The following PLCE1 variants were observed in gnomAD, a reference collection of about 807,000 sequenced individuals.
PLCE1 encodes phospholipase C epsilon 1, also known as 1-phosphatidylinositol 4,5-bisphosphate phosphodiesterase epsilon-1.
A neutral mutation model predicts 242.8 loss-of-function variants in PLCE1; 119 were observed. The observed-to-expected ratio is 0.49, with a 90% CI of 0.42 to 0.57. The LOEUF is 0.57. PLCE1 is among the 20% of genes least tolerant of loss of function. The pLI is 0.00. For synonymous variants in PLCE1, 945 were observed against 1,017.4 expected (o/e 0.93, Z 1.35); for missense variants, 2,441 against 2,788.8 (o/e 0.88, Z 2.81).
intron 13 of PLCE1, 36 bp from the exon 14 acceptor site, chr10:94,262,458 C>A: frequency 1.5e-6 from 2 of 1,375,300 alleles, no homozygotes; most frequent in Non-Finnish European, 2.1e-6. Context: ...AAGATGCTGG[C>A]TATCTTGTCC....
Position 94,111,734 on chromosome 10 carries a change from C to G in PLCE1, c.1207-20440C>G, listed in dbSNP as rs368725251. On this transcript the variant is annotated intron_variant, in intron 2 of 32. Transcript: ENST00000371380. ...CTCTAGAAGTGGATCAAAGAATGTA[C>G]ACTTTTTGAATTTCGATGGGTAGTA... Among the ~76,000 whole-genome samples, 26 of 152,290 alleles carry G rather than the reference C, an allele frequency of 1.7e-4. No individual in the cohort carries two copies. In the East Asian group the frequency reaches 2.9e-3, roughly 17 times the overall value.
chr10:94,189,373 A>C (rs2048589541), intron 4 of PLCE1, among the ~76,000 whole-genome samples: 1 of 151,464 alleles, frequency 6.6e-6, no homozygotes, highest in Non-Finnish European at 1.5e-5. Flanking sequence ...GAAATATTTA[A>C]ATTACCTGGC....
intron 22 of PLCE1, among the ~76,000 whole-genome samples, chr10:94,291,779 G>C (rs2052654300): frequency 6.6e-6 from 1 of 152,164 alleles, no homozygotes; most frequent in Non-Finnish European, 1.5e-5. Context: ...TGTAATCCCA[G>C]CTTTCTGGAA....
chr10:94,101,050 TGCAGATCCACAG>T (rs2045515015), intron 2 of PLCE1, among the ~76,000 whole-genome samples: 1 of 152,286 alleles, frequency 6.6e-6, no homozygotes, highest in South Asian at 2.1e-4. Context: ...GAGCTATTTC[TGCAGATCCACAG>T]GCCCCTCAGA....
At chr10:94,098,217 C>A (rs1384026686) in intron 2 of PLCE1, among the ~76,000 whole-genome samples, 1 of 152,156 alleles carries the variant, frequency 6.6e-6, no homozygotes, top group African/African-American at 2.4e-5. Flanking sequence ...ACCATTCCTT[C>A]CTTTTTTAAC....
At chr10:94,117,615 T>C (rs930363354) in intron 2 of PLCE1, among the ~76,000 whole-genome samples, 7 of 152,326 alleles carry the variant, frequency 4.6e-5, no homozygotes, top group Admixed American at 1.3e-4. Flanking sequence ...CAATATACCA[T>C]GAATCACTAG....
At chr10:94,245,903 A>C in intron 7 of PLCE1, 43 bp from the exon 8 acceptor site, 4 of 1,510,796 alleles carry the variant, frequency 2.6e-6, no homozygotes, top group African/African-American at 2.7e-5. Context: ...GGTTGTTCTC[A>C]CTTGATTATA....
At chr10:94,111,428 C>G (rs2045951867) in intron 2 of PLCE1, among the ~76,000 whole-genome samples, 1 of 152,190 alleles carries the variant, frequency 6.6e-6, no homozygotes, top group Non-Finnish European at 1.5e-5. Flanking sequence ...ATGCAGTTGA[C>G]TAGACATTGT....
intron 2 of PLCE1, among the ~76,000 whole-genome samples, chr10:94,046,685 G>A (rs1223261861): frequency 1.3e-5 from 2 of 152,204 alleles, no homozygotes; most frequent in Admixed American, 6.5e-5. Flanking sequence ...CTAAGTAATG[G>A]AGGGCTTAAG....
intron 2 of PLCE1, among the ~76,000 whole-genome samples, chr10:94,076,130 TGC>T (rs1324205462): frequency 1.2e-3 from 175 of 149,412 alleles, no homozygotes; most frequent in African/African-American, 2.2e-3. Flanking sequence ...TGTGTGTGCG[TGC>T]GTGTGTGTGT....
intron 4 of PLCE1, among the ~76,000 whole-genome samples, chr10:94,195,505 T>G (rs550523794): frequency 1.3e-5 from 2 of 152,272 alleles, no homozygotes; most frequent in East Asian, 3.9e-4. Flanking sequence ...GGCTCCTTTT[T>G]TTTTTAAGAG....
intron 7 of PLCE1, 128 bp downstream of exon 7, chr10:94,236,248 A>C: frequency 1.4e-6 from 1 of 731,960 alleles, no homozygotes; most frequent in Non-Finnish European, 2.4e-6. Context: ...TCATTAAGCC[A>C]CACTTCTTTA....
At chr10:94,237,125 G>A (rs1288293235) in intron 7 of PLCE1, among the ~76,000 whole-genome samples, 3 of 152,270 alleles carry the variant, frequency 2.0e-5, no homozygotes, top group East Asian at 3.9e-4. Flanking sequence ...AGATGTTTGG[G>A]AGAAGAATGC....
chr10:94,046,825 A>G (rs991839773), intron 2 of PLCE1, among the ~76,000 whole-genome samples: 3 of 152,188 alleles, frequency 2.0e-5, no homozygotes, highest in Non-Finnish European at 4.4e-5. Context: ...TTTATTTCTA[A>G]ATAATTGTAC....
In PLCE1 at chr10:94,246,347, T is replaced by C; in HGVS notation, c.2822T>C (p.Val941Ala). Residue 941 changes from valine (V) to alanine (A), a missense_variant, in exon 8 of 33, where the codon GTG becomes GCG. Physicochemically the swap from Val to Ala is moderately conservative, Grantham distance 64. Transcript: ENST00000371380. The stretch of plus-strand genomic sequence containing the variant: ...GAAGGGGTCTTGGATCTTTTTGCAG[T>C]GAAGGCTGTATACATGGGCCACCCT... ...LTEGVLDLFA[V>A]KAVYMGHPGI... is the part of the protein sequence containing the mutation. The C allele has an allele frequency of 6.2e-7, 1 of 1,614,170 alleles. No individual in the cohort carries two copies. Among genetic ancestry groups the C allele is most frequent in the Non-Finnish European group, 8.5e-7 (1 of 1,180,026 alleles).
chr10:94,135,708 A>G (rs1190662814), intron 3 of PLCE1, among the ~76,000 whole-genome samples: 1 of 152,208 alleles, frequency 6.6e-6, no homozygotes, highest in Non-Finnish European at 1.5e-5. Context: ...CTATTGTTGG[A>G]ATACTGAGCA....
At chr10:94,296,918 G>A (rs1274275146) in intron 23 of PLCE1, among the ~76,000 whole-genome samples, 2 of 151,418 alleles carry the variant, frequency 1.3e-5, no homozygotes, top group African/African-American at 2.4e-5. Flanking sequence ...CTGTTGCCCA[G>A]GCTGGAGTGC....
At chr10:94,004,079 G>A (rs556591007) in intron 1 of PLCE1, among the ~76,000 whole-genome samples, 2 of 152,238 alleles carry the variant, frequency 1.3e-5, no homozygotes, top group South Asian at 4.2e-4. Flanking sequence ...CCAGGAGGCG[G>A]AGGTTGCAGT....
intron 7 of PLCE1, 65 bp downstream of exon 7, chr10:94,236,185 T>C: frequency 7.2e-7 from 1 of 1,381,940 alleles, no homozygotes; most frequent in South Asian, 1.2e-5. Context: ...ATGAGTTGTT[T>C]CCTACTTCAG....
Sources: allele counts gnomAD v4.1 joint callset (sites outside exome capture counted in the v4.1 genomes callset), GRCh38; gene constraint gnomAD v4.1.1; transcripts MANE v1.5; gene names NCBI Gene and HGNC (gene_info 2026-07-23, HGNC 2026-07-21).